Variants in IMMP2L observed in about 807,000 individuals in gnomAD.
IMMP2L encodes mitochondrial inner membrane protease subunit 2.
In IMMP2L, 18 loss-of-function variants were observed where a neutral mutation model predicts 19.3. The observed-to-expected ratio is 0.93, with a 90% CI of 0.64 to 1.38. The LOEUF (loss-of-function observed/expected upper bound fraction) is 1.38. Ranked by LOEUF, IMMP2L falls within the 40% of genes most tolerant of loss-of-function variation. IMMP2L has a pLI of 0.00. For missense variants in IMMP2L, 233 were observed against 218.2 expected (o/e 1.07, Z -0.43); for synonymous variants, 76 against 73.0 (o/e 1.04, Z -0.21).
intron 3 of IMMP2L, among the ~76,000 whole-genome samples, chr7:111,104,969 G>A (rs891005754): frequency 2.0e-5 from 3 of 151,624 alleles, no homozygotes; most frequent in Admixed American, 6.6e-5. Flanking sequence ...TATAATGGCT[G>A]TTACAAGTGA....
At chr7:111,305,814 T>G (rs940416166) in intron 3 of IMMP2L, among the ~76,000 whole-genome samples, 2 of 152,146 alleles carry the variant, frequency 1.3e-5, no homozygotes, top group Non-Finnish European at 2.9e-5. Context: ...TGTGAGAATG[T>G]CACTAACCTG....
chr7:111,016,767 T>C (rs1490318256), intron 3 of IMMP2L, among the ~76,000 whole-genome samples: 1 of 94,090 alleles, frequency 1.1e-5, no homozygotes, highest in African/African-American at 4.5e-5. Flanking sequence ...ATATAGTTTA[T>C]ATATGCATAT....
At chr7:111,478,755 A>C (rs1841935737) in intron 3 of IMMP2L, among the ~76,000 whole-genome samples, 1 of 152,108 alleles carries the variant, frequency 6.6e-6, no homozygotes, top group Non-Finnish European at 1.5e-5. Flanking sequence ...TCCATGTCTA[A>C]TCATTCCAAT....
chr7:110,748,577 G>A (rs1018622149), intron 5 of IMMP2L, among the ~76,000 whole-genome samples: 3 of 151,968 alleles, frequency 2.0e-5, no homozygotes, highest in Non-Finnish European at 4.4e-5. Flanking sequence ...CAGAAGAGAG[G>A]CCTCAGAAAT....
At chr7:111,283,409 A>G (rs555305490) in intron 3 of IMMP2L, among the ~76,000 whole-genome samples, 1 of 152,282 alleles carries the variant, frequency 6.6e-6, no homozygotes, top group African/African-American at 2.4e-5. Flanking sequence ...TGAAAGATGA[A>G]TATGAATTTA....
intron 1 of IMMP2L, among the ~76,000 whole-genome samples, chr7:111,540,438 T>C (rs570413154): frequency 3.0e-4 from 46 of 152,190 alleles, no homozygotes; most frequent in Admixed American, 5.9e-4. Context: ...CTGTAACAAG[T>C]TAAGTGAATC....
At chr7:110,947,319 T>G (rs2129553672) in intron 4 of IMMP2L, among the ~76,000 whole-genome samples, 1 of 152,316 alleles carries the variant, frequency 6.6e-6, no homozygotes, top group Middle Eastern at 3.4e-3. Context: ...AAATAGGCAT[T>G]ATTTTTTGAA....
intron 3 of IMMP2L, among the ~76,000 whole-genome samples, chr7:111,121,262 T>TGTCA (rs1800579240): frequency 6.6e-6 from 1 of 152,228 alleles, no homozygotes; most frequent in African/African-American, 2.4e-5. Context: ...ATTAGCTGTC[T>TGTCA]GTCAGATGAG....
intron 3 of IMMP2L, among the ~76,000 whole-genome samples, chr7:111,068,466 T>A (rs574736135): frequency 6.6e-6 from 1 of 152,160 alleles, no homozygotes; most frequent in African/African-American, 2.4e-5. Flanking sequence ...AAACTTGTCA[T>A]TTTATGAATA....
intron 3 of IMMP2L, among the ~76,000 whole-genome samples, chr7:111,150,181 A>T (rs968074449): frequency 6.6e-6 from 1 of 152,228 alleles, no homozygotes; most frequent in Non-Finnish European, 1.5e-5. Flanking sequence ...GCAATTTGAC[A>T]TAGGGGTTGA....
intron 5 of IMMP2L, among the ~76,000 whole-genome samples, chr7:110,825,294 T>C (rs911381877): frequency 6.6e-6 from 1 of 152,122 alleles, no homozygotes; most frequent in African/African-American, 2.4e-5. Context: ...GCCATCCCCA[T>C]CAAGCTACCA....
chr7:110,768,080 G>A (rs951565027), intron 5 of IMMP2L, among the ~76,000 whole-genome samples: 3 of 152,068 alleles, frequency 2.0e-5, no homozygotes, highest in African/African-American at 7.2e-5. Context: ...AAGAGTTTCA[G>A]GACTAATAGG....
At chr7:111,130,317 A>G (rs1801725280) in intron 3 of IMMP2L, among the ~76,000 whole-genome samples, 2 of 152,192 alleles carry the variant, frequency 1.3e-5, no homozygotes, top group South Asian at 4.1e-4. Context: ...CCAGAGTAAC[A>G]GCATAGCAAA....
In IMMP2L at chr7:110,721,176, C is replaced by A. The variant is rs573609736; in HGVS notation, c.409-57455G>T. Among the ~76,000 whole-genome samples the A allele has an allele frequency of 2.0e-5, 3 of 152,050 alleles. No individual in the cohort carries two copies. The East Asian group carries it at 5.8e-4, about 29-fold the overall frequency. On this transcript the variant is annotated intron_variant, in intron 5 of 5. Transcript: ENST00000405709. The stretch of plus-strand genomic sequence containing the variant: ...CACTGACCAAATGCATGGACAGACA[C>A]TGACCCATTCCAGGGACAAGCTGGA...
chr7:110,969,600 A>AGGGGAAGGAAAGATCAT lies in IMMP2L; in HGVS notation c.240-6052_240-6036dup, dbSNP rs1277898808. 4.6e-5 allele frequency among the ~76,000 whole-genome samples: 7 copies of AGGGGAAGGAAAGATCAT among 152,210 alleles called. No homozygotes were observed. The South Asian group carries it at 1.5e-3, about 32-fold the overall frequency. On this transcript the variant is annotated intron_variant, in intron 3 of 5. Transcript: ENST00000405709. Reference sequence around the variant, plus strand: ...TTTCAAATTTGTCTTATTTTCTAGAAGGGGAAGGAAAGATCATGGGAAAGG... The same window carrying AGGGGAAGGAAAGATCAT: ...TTTCAAATTTGTCTTATTTTCTAGAAGGGGAAGGAAAGATCATGGGGAAGGAAAGATCATGGGAAAGG...
At chr7:110,790,770 A>G (rs1800410198) in intron 5 of IMMP2L, among the ~76,000 whole-genome samples, 1 of 151,796 alleles carries the variant, frequency 6.6e-6, no homozygotes, top group African/African-American at 2.4e-5. Flanking sequence ...CAATTGTACT[A>G]TGGTTTAGTC....
chr7:110,879,687 C>T (rs1163365252), intron 5 of IMMP2L, among the ~76,000 whole-genome samples: 2 of 152,050 alleles, frequency 1.3e-5, no homozygotes, highest in Non-Finnish European at 2.9e-5. Context: ...GCATAATTGT[C>T]TTAATAGTTC....
At chr7:111,335,348 G>A (rs1225824191) in intron 3 of IMMP2L, among the ~76,000 whole-genome samples, 1 of 152,026 alleles carries the variant, frequency 6.6e-6, no homozygotes, top group African/African-American at 2.4e-5. Flanking sequence ...AAGTCAGCCA[G>A]ACAACATGAA....
chr7:110,820,027 A>G (rs186311238), intron 5 of IMMP2L, among the ~76,000 whole-genome samples: 24 of 152,150 alleles, frequency 1.6e-4, no homozygotes, highest in African/African-American at 5.1e-4. Context: ...TTCTGGTAAC[A>G]TTCTAAAATG....
Sources: gnomAD v4.1 joint callset for allele counts (sites outside exome capture counted in the v4.1 genomes callset) on GRCh38, gnomAD v4.1.1 for gene constraint, MANE v1.5 for transcripts, NCBI Gene and HGNC (gene_info 2026-07-23, HGNC 2026-07-21) for gene names.